SGCZ: variants seen among roughly 807,000 people sequenced by gnomAD.
SGCZ encodes zeta-sarcoglycan.
In SGCZ, 40 loss-of-function variants were observed where a neutral mutation model predicts 41.3. The ratio of observed to expected loss-of-function variants is 0.97; its 90% CI spans 0.75 to 1.26. SGCZ has a LOEUF of 1.26. Ranked by LOEUF, SGCZ falls within the 50% of genes most tolerant of loss-of-function variation. SGCZ has a pLI of 0.00. For synonymous variants in SGCZ, 206 were observed against 137.5 expected (o/e 1.50, Z -3.49); for missense variants, 552 against 369.8 (o/e 1.49, Z -4.04).
intron 1 of SGCZ, among the ~76,000 whole-genome samples, chr8:14,720,377 A>G (rs1175298771): frequency 6.6e-6 from 1 of 152,166 alleles, no homozygotes; most frequent in Non-Finnish European, 1.5e-5. Flanking sequence ...AATGATAGAT[A>G]TAACAATAAA....
At chr8:14,148,362 C>A (rs1305897202) in intron 5 of SGCZ, among the ~76,000 whole-genome samples, 1 of 151,816 alleles carries the variant, frequency 6.6e-6, no homozygotes, top group African/African-American at 2.4e-5. Flanking sequence ...GGAGTCATTA[C>A]AACTGACACT....
In SGCZ at chr8:14,526,646, C is replaced by A. The variant is rs1351240657; in HGVS notation, c.234+28086G>T. On this transcript the variant is annotated intron_variant, in intron 2 of 7. Transcript: ENST00000382080. ...AGTGCATTTCTTGATTTCTTATAAT[C>A]TTTTTGTTACTCAGGGCATATTTCA... Among the ~76,000 whole-genome samples, 19 of 151,998 alleles carry A rather than the reference C, an allele frequency of 1.3e-4. No individual in the cohort carries two copies. The East Asian group carries it at 3.5e-3, about 28-fold the overall frequency.
intron 2 of SGCZ, among the ~76,000 whole-genome samples, chr8:14,350,674 T>C (rs1280472295): frequency 6.6e-6 from 1 of 152,038 alleles, no homozygotes; most frequent in Non-Finnish European, 1.5e-5. Flanking sequence ...CTGAGGTCTT[T>C]GTGGAATTGC....
chr8:14,564,438 C>T (rs1804297417), intron 1 of SGCZ, among the ~76,000 whole-genome samples: 1 of 152,170 alleles, frequency 6.6e-6, no homozygotes, highest in African/African-American at 2.4e-5. Flanking sequence ...TTGTCCATTG[C>T]CTTCTGTGCG....
intron 2 of SGCZ, among the ~76,000 whole-genome samples, chr8:14,514,820 T>TAC (rs1554530292): frequency 1.7e-4 from 19 of 111,676 alleles, no homozygotes; most frequent in African/African-American, 4.7e-4. Context: ...TGTGTATATA[T>TAC]ACACGCACAC....
intron 1 of SGCZ, among the ~76,000 whole-genome samples, chr8:15,202,426 A>T (rs1800918563): frequency 6.6e-6 from 1 of 152,210 alleles, no homozygotes; most frequent in Admixed American, 6.5e-5. Flanking sequence ...GTGTCTTCTC[A>T]CACATAAGTG....
chr8:14,636,469 G>A (rs1806832097), intron 1 of SGCZ, among the ~76,000 whole-genome samples: 1 of 151,842 alleles, frequency 6.6e-6, no homozygotes, highest in Non-Finnish European at 1.5e-5. Context: ...AGAGAAATGA[G>A]CAAATTTGAG....
At chr8:14,530,219 T>C (rs963406756) in intron 2 of SGCZ, among the ~76,000 whole-genome samples, 1 of 152,022 alleles carries the variant, frequency 6.6e-6, no homozygotes, top group East Asian at 1.9e-4. Context: ...GGGAAATTTT[T>C]TTTAAAAAAA....
intron 1 of SGCZ, among the ~76,000 whole-genome samples, chr8:14,573,062 G>A (rs150581906): frequency 9.9e-5 from 15 of 152,064 alleles, no homozygotes; most frequent in Admixed American, 9.8e-4. Flanking sequence ...CCATATGTGA[G>A]ATTTGTACTA....
chr8:14,847,799 A>AC (rs1803185802), intron 1 of SGCZ, among the ~76,000 whole-genome samples: 1 of 150,852 alleles, frequency 6.6e-6, no homozygotes, highest in Admixed American at 6.6e-5. Context: ...AAAAAAAAAA[A>AC]AAAAAAAAAC....
Position 14,087,987 on chromosome 8 carries a change from A to T in SGCZ, c.*2456T>A, listed in dbSNP as rs554403135. ...TCTCAAGCTTGTAAGTTACTTTTGA[A>T]TTATGTCTATACTTCTCAGAATGCA... On this transcript the variant is annotated 3_prime_UTR_variant, in exon 8 of 8. Transcript: ENST00000382080. Among the ~76,000 whole-genome samples the T allele has an allele frequency of 6.6e-6, 1 of 151,804 alleles. No individual in the cohort carries two copies. The highest frequency in any genetic ancestry group is 1.5e-5 in the Non-Finnish European group (1 of 67,828).
chr8:14,399,526 A>G (rs1799013375), intron 2 of SGCZ, among the ~76,000 whole-genome samples: 1 of 152,158 alleles, frequency 6.6e-6, no homozygotes, highest in South Asian at 2.1e-4. Flanking sequence ...TGTTAAAGAA[A>G]AAAAAGTCCC....
chr8:14,464,557 A>G (rs1599498), intron 2 of SGCZ, among the ~76,000 whole-genome samples: 10,112 of 144,552 alleles, frequency 0.07, 465 homozygotes, highest in Admixed American at 0.13. Flanking sequence ...CCTAATTTGT[A>G]TGTTGATTTT....
rs113547324 is a variant in SGCZ at position 14,763,622 on chromosome 8, C to G, written c.40-208696G>C. Among the ~76,000 whole-genome samples the G allele has an allele frequency of 9.6e-4, 146 of 152,178 alleles. 1 individual carries two copies. Among genetic ancestry groups the G allele is most frequent in the African/African-American group, 3.2e-3 (134 of 41,520 alleles). On this transcript the variant is annotated intron_variant, in intron 1 of 7. Transcript: ENST00000382080. ...AACTTGGAAAAGTTTACGTAATGAT[C>G]ATGTAAGTCTACAAAACATTAGTGA...
rs1458559879 is a variant in SGCZ at position 14,702,838 on chromosome 8, TAGATAGATAGATAGATA to T, written c.40-147929_40-147913del. ...GTAGATAGATAGATAGATAGATAGA[TAGATAGATAGATAGATA>T]GATAGATAGATAGATAGATAGATAG... On this transcript the variant is annotated intron_variant, in intron 1 of 7. Transcript: ENST00000382080. Among the ~76,000 whole-genome samples, 130 of 99,996 alleles carry T rather than the reference TAGATAGATAGATAGATA, an allele frequency of 1.3e-3. 1 individual carries two copies. In the South Asian group the frequency reaches 0.017, roughly 13 times the overall value. The allele number at this position is 99,996 out of a possible 152,430, so 65.6% of individuals were successfully genotyped here.
chr8:14,959,758 A>G (rs10112644), intron 1 of SGCZ, among the ~76,000 whole-genome samples: 64,424 of 152,056 alleles, frequency 0.42, 14,009 homozygotes, highest in African/African-American at 0.52. Flanking sequence ...ACTGGTTTGT[A>G]TATCTTTTCT....
chr8:15,092,694 G>A (rs945358324), intron 1 of SGCZ, among the ~76,000 whole-genome samples: 11 of 152,074 alleles, frequency 7.2e-5, no homozygotes, highest in African/African-American at 2.7e-4. Context: ...TACTTCAAAA[G>A]AACCAAGAAA....
intron 5 of SGCZ, among the ~76,000 whole-genome samples, chr8:14,109,796 TC>T (rs1407106477): frequency 1.3e-5 from 2 of 152,152 alleles, no homozygotes; most frequent in Admixed American, 6.6e-5. Flanking sequence ...GATTTTTTTT[TC>T]AAAGACTATA....
At position 14,732,047 on chromosome 8, in the gene SGCZ, G is replaced by T. The variant is rs896197071; in HGVS notation, c.40-177121C>A. Among the ~76,000 whole-genome samples, 157 of 152,304 alleles carry T rather than the reference G, an allele frequency of 1.0e-3. 2 individuals are homozygous for T. The highest frequency in any genetic ancestry group is 3.6e-3 in the African/African-American group (151 of 41,574). On this transcript the variant is annotated intron_variant, in intron 1 of 7. Transcript: ENST00000382080. ...CCTAACCGTGATTCAAGTACAACTTGTTGAGCTTTCTCTTTAGAAATAATA... is the reference window on the plus strand; with the variant it reads ...CCTAACCGTGATTCAAGTACAACTTTTTGAGCTTTCTCTTTAGAAATAATA...
Sources: allele counts gnomAD v4.1 joint callset (sites outside exome capture counted in the v4.1 genomes callset), GRCh38; gene constraint gnomAD v4.1.1; transcripts MANE v1.5; gene names NCBI Gene and HGNC (gene_info 2026-07-23, HGNC 2026-07-21).